The following NXN variants were observed in gnomAD, a reference collection of about 807,000 sequenced individuals.
NXN encodes the protein nucleoredoxin 1.
NXN carries 16 observed loss-of-function variants against 48.6 expected under a neutral mutation model. The ratio of observed to expected loss-of-function variants is 0.33; its 90% CI spans 0.22 to 0.50. The LOEUF (loss-of-function observed/expected upper bound fraction) is 0.50. Ranked by LOEUF, NXN falls within the 20% of genes least tolerant of loss-of-function variation. The probability of loss-of-function intolerance (pLI) is 0.98; values close to 1 mark genes in which losing one functional copy is unlikely to be tolerated. For missense variants in NXN, 492 were observed against 605.5 expected, an observed-to-expected ratio of 0.81 and a Z score of 1.97; for synonymous variants, 281 against 269.6, an observed-to-expected ratio of 1.04 and a Z score of -0.41.
intron 1 of NXN, among the ~76,000 whole-genome samples, chr17:914,112 C>T (rs1217836668): frequency 6.6e-6 from 1 of 152,112 alleles, no homozygotes; most frequent in Non-Finnish European, 1.5e-5. Flanking sequence ...ATTGGCCAGG[C>T]TGCTCTCGAA....
In NXN at chr17:903,531, C is replaced by T. The variant is rs534779212; in HGVS notation, c.360+75788G>A. On this transcript the variant is annotated intron_variant, in intron 1 of 7. Transcript: ENST00000336868. ...CTGAGTAGCTGGGACTACAGGCGTG[C>T]GCTACCACACCCAGCTAACTTTAAA... Among the ~76,000 whole-genome samples the T allele has an allele frequency of 9.5e-4, 144 of 152,198 alleles. 1 individual carries two copies. The highest frequency in any genetic ancestry group is 3.4e-3 in the Admixed American group (52 of 15,280).
At chr17:931,884 C>T (rs2068858439) in intron 1 of NXN, among the ~76,000 whole-genome samples, 1 of 148,950 alleles carries the variant, frequency 6.7e-6, no homozygotes, top group South Asian at 2.1e-4. Context: ...TGGCTCACGC[C>T]TGTAATCCCA....
chr17:825,806 T>C lies in NXN; in HGVS notation c.478+155A>G, dbSNP rs751891090. 4 of 610,810 alleles carry C rather than the reference T, an allele frequency of 6.5e-6. No individual in the cohort carries two copies. Among genetic ancestry groups the C allele is most frequent in the Non-Finnish European group, 1.2e-5 (4 of 338,162 alleles). The allele number at this position is 610,810 out of a possible 1,614,324, so 37.8% of individuals were successfully genotyped here. On this transcript the variant is annotated intron_variant, in intron 2 of 7. Coordinates refer to ENST00000336868, the MANE Select transcript of NXN (RefSeq NM_022463.5). The surrounding 1 kb of genome is among the most constrained non-coding windows in gnomAD (Gnocchi z 4.1). ...CTTAAAACCATGTCCTAGGGAATAC[T>C]ATGATTTCACCAAGACGACATTCTC...
At chr17:843,008 G>GAAAGAGAGAAAGA (rs1914439922) in intron 1 of NXN, among the ~76,000 whole-genome samples, 1 of 79,910 alleles carries the variant, frequency 1.3e-5, no homozygotes, top group Non-Finnish European at 2.8e-5. Context: ...GAGAAAGAGA[G>GAAAGAGAGAAAGA]AAAGAAAGAA....
intron 5 of NXN, among the ~76,000 whole-genome samples, chr17:815,306 C>A (rs1031954196): frequency 4.0e-5 from 6 of 151,514 alleles, no homozygotes; most frequent in Non-Finnish European, 7.4e-5. Context: ...GTTCAGCTGA[C>A]TTCCATCTGT....
chr17:863,058 C>T (rs2068057119), intron 1 of NXN, among the ~76,000 whole-genome samples: 1 of 152,166 alleles, frequency 6.6e-6, no homozygotes, highest in Non-Finnish European at 1.5e-5. Flanking sequence ...CTGGGACCCC[C>T]ACATATTCCA....
chr17:930,577 C>T (rs1171617724), intron 1 of NXN: 1 of 152,058 alleles, frequency 6.6e-6, no homozygotes, highest in Non-Finnish European at 1.5e-5. Flanking sequence ...ATACGAACAA[C>T]CTTGACAAAG....
intron 1 of NXN, among the ~76,000 whole-genome samples, chr17:910,286 C>T (rs1334675155): frequency 1.3e-5 from 2 of 151,948 alleles, no homozygotes; most frequent in Non-Finnish European, 2.9e-5. Flanking sequence ...GTGGCGGGCA[C>T]TTGTAATCCC....
intron 1 of NXN, among the ~76,000 whole-genome samples, chr17:909,363 A>G (rs2068612413): frequency 6.6e-6 from 1 of 152,112 alleles, no homozygotes; most frequent in East Asian, 1.9e-4. Flanking sequence ...GTGGTACCAA[A>G]TAGAGGAATA....
At chr17:890,861 G>A (rs1490007732) in intron 1 of NXN, among the ~76,000 whole-genome samples, 4 of 151,986 alleles carry the variant, frequency 2.6e-5, no homozygotes, top group African/African-American at 9.7e-5. Flanking sequence ...CCTATCAGGG[G>A]GATAGAATTC....
Position 825,221 on chromosome 17 carries a change from GAAAAAAAA to G in NXN, c.478+732_478+739del, listed in dbSNP as rs34471469. ...GACAGAGGGAGATAGTGTCTCAAGA[GAAAAAAAA>G]AAAAAAAAAAGAAAAGCTTCACGCT... is the stretch of plus-strand genomic sequence containing the variant. On this transcript the variant is annotated intron_variant, in intron 2 of 7. Transcript: ENST00000336868. The surrounding 1 kb of genome is among the most constrained non-coding windows in gnomAD (Gnocchi z 4.1). Among the ~76,000 whole-genome samples, 5 of 120,996 alleles carry G rather than the reference GAAAAAAAA, an allele frequency of 4.1e-5. No individual in the cohort carries two copies. Among genetic ancestry groups the G allele is most frequent in the Admixed American group, 2.6e-4 (3 of 11,666 alleles). 79.4% of individuals were successfully genotyped at this position (120,996 alleles called of 152,430 possible).
chr17:862,357 T>C (rs577876145), intron 1 of NXN, among the ~76,000 whole-genome samples: 1 of 152,022 alleles, frequency 6.6e-6, no homozygotes, highest in African/African-American at 2.4e-5. Context: ...CTCAAAAACA[T>C]AAACATAAAA....
chr17:943,880 A>C (rs567611564), intron 1 of NXN, among the ~76,000 whole-genome samples: 4 of 152,152 alleles, frequency 2.6e-5, no homozygotes, highest in African/African-American at 9.6e-5. Flanking sequence ...ATATTCTACC[A>C]CAATTCTTAA....
chr17:816,872 C>T (rs144225470), intron 5 of NXN, among the ~76,000 whole-genome samples: 2 of 152,228 alleles, frequency 1.3e-5, no homozygotes, highest in East Asian at 1.9e-4. Flanking sequence ...AGGGGCATCC[C>T]GAAACTTATC....
chr17:823,495 C>A, intron 3 of NXN, 137 bp downstream of exon 3: 2 of 863,098 alleles, frequency 2.3e-6, no homozygotes, highest in South Asian at 1.7e-5. Flanking sequence ...TTCAACCAGG[C>A]CTCGGGCACA....
intron 1 of NXN, among the ~76,000 whole-genome samples, chr17:866,009 G>A (rs75396458): frequency 7.9e-5 from 12 of 151,916 alleles, no homozygotes; most frequent in African/African-American, 2.2e-4. Context: ...AAGTGTGTGC[G>A]ACAATGTTTA....
At chr17:955,565 T>C (rs2069157152) in intron 1 of NXN, among the ~76,000 whole-genome samples, 2 of 150,558 alleles carry the variant, frequency 1.3e-5, no homozygotes, top group African/African-American at 4.9e-5. Context: ...GAAATATGAC[T>C]GGCCCAGCCA....
intron 1 of NXN, among the ~76,000 whole-genome samples, chr17:826,366 C>T (rs1051298015): frequency 6.6e-6 from 1 of 152,038 alleles, no homozygotes; most frequent in African/African-American, 2.4e-5. Context: ...AGGCTGATGA[C>T]CCCACTGGCC....
At chr17:909,665 A>G (rs990832907) in intron 1 of NXN, 1 of 151,118 alleles carries the variant, frequency 6.6e-6, no homozygotes, top group African/African-American at 2.4e-5. Context: ...CAGCCTCCCG[A>G]GTAGCTGGGG....
Sources: gnomAD v4.1 joint callset for allele counts (sites outside exome capture counted in the v4.1 genomes callset) on GRCh38, gnomAD v4.1.1 for gene constraint, Gnocchi (gnomAD v3.1) non-coding constraint, MANE v1.5 for transcripts, NCBI Gene and HGNC (gene_info 2026-07-23, HGNC 2026-07-21) for gene names.